The following IGF2BP1 variants were observed in gnomAD, a reference collection of about 807,000 sequenced individuals.
The protein encoded by IGF2BP1 is insulin-like growth factor 2 mRNA-binding protein 1.
Under a neutral mutation model 74.9 loss-of-function variants are expected in IGF2BP1, and 11 were observed. That is an observed-to-expected ratio of 0.15 (90% CI 0.09 to 0.24). The LOEUF (loss-of-function observed/expected upper bound fraction) is 0.24, where lower values mean the gene tolerates loss of function less well. Ranked by LOEUF, IGF2BP1 falls within the 10% of genes least tolerant of loss-of-function variation. The probability of loss-of-function intolerance (pLI) is 1.00; values close to 1 mark genes in which losing one functional copy is unlikely to be tolerated. For synonymous variants in IGF2BP1, 287 were observed against 281.8 expected (o/e 1.02, Z -0.18); for missense variants, 440 against 757.4 (o/e 0.58, Z 4.92).
At chr17:49,012,453 C>G (rs1183770942) in intron 2 of IGF2BP1, 1 of 152,176 alleles carries the variant, frequency 6.6e-6, no homozygotes, top group Non-Finnish European at 1.5e-5. Flanking sequence ...CTGAATCCTC[C>G]CCATCTCCAG....
chr17:49,047,537 AAAG>A (rs2042119345), intron 14 of IGF2BP1, among the ~76,000 whole-genome samples: 1 of 152,014 alleles, frequency 6.6e-6, no homozygotes, highest in Non-Finnish European at 1.5e-5. Context: ...TAAAGAGAGT[AAAG>A]GATACCTCCA....
At chr17:49,024,914 G>A (rs2041833197) in intron 2 of IGF2BP1, among the ~76,000 whole-genome samples, 1 of 152,184 alleles carries the variant, frequency 6.6e-6, no homozygotes, top group South Asian at 2.1e-4. Context: ...GTCTTGGGCC[G>A]GGTGTTGTGG....
At chr17:48,998,003 C>T (rs1289212255) in intron 1 of IGF2BP1, 83 bp downstream of exon 1, 2 of 1,478,646 alleles carry the variant, frequency 1.4e-6, no homozygotes, top group Non-Finnish European at 1.8e-6. Context: ...CCTCTCCCGC[C>T]AACTCCTCTC....
At chr17:49,033,007 A>C (rs1302746303) in intron 5 of IGF2BP1, among the ~76,000 whole-genome samples, 1 of 152,138 alleles carries the variant, frequency 6.6e-6, no homozygotes. Flanking sequence ...TGTAGAGACG[A>C]GGTTTCACCA....
intron 2 of IGF2BP1, among the ~76,000 whole-genome samples, chr17:49,008,912 A>ATCTAG (rs1206814880): frequency 6.6e-6 from 1 of 152,080 alleles, no homozygotes; most frequent in Admixed American, 6.6e-5. Flanking sequence ...AGTTATTTTT[A>ATCTAG]TCTAGTAAGA....
At chr17:49,008,166 C>T (rs1192526337) in intron 2 of IGF2BP1, among the ~76,000 whole-genome samples, 11 of 146,320 alleles carry the variant, frequency 7.5e-5, no homozygotes, top group Admixed American at 6.7e-5. Context: ...GAGTGAAATT[C>T]CATCTCAAAA....
intron 5 of IGF2BP1, among the ~76,000 whole-genome samples, chr17:49,035,178 AAGAC>A (rs1356345073): frequency 2.0e-5 from 3 of 152,222 alleles, no homozygotes; most frequent in Admixed American, 6.5e-5. Context: ...AAGTGCTAAA[AAGAC>A]AGTTTATTAG....
intron 2 of IGF2BP1, among the ~76,000 whole-genome samples, chr17:49,000,096 G>C (rs2041469249): frequency 6.6e-6 from 1 of 151,994 alleles, no homozygotes. Context: ...CTCTGGCTGG[G>C]AAGTATAAGG....
chr17:49,015,310 G>A (rs1300747389), intron 2 of IGF2BP1, among the ~76,000 whole-genome samples: 1 of 152,150 alleles, frequency 6.6e-6, no homozygotes, highest in Non-Finnish European at 1.5e-5. Flanking sequence ...GAGAGAGGCT[G>A]GCATCTCCAC....
chr17:49,041,258 A>G, intron 7 of IGF2BP1, 120 bp from the exon 8 acceptor site: 1 of 1,022,936 alleles, frequency 9.8e-7, no homozygotes, highest in East Asian at 2.4e-5. Flanking sequence ...ATGCAGTTTG[A>G]TAAGTTTTGA....
intron 2 of IGF2BP1, among the ~76,000 whole-genome samples, chr17:48,999,966 G>A (rs537371903): frequency 6.9e-6 from 1 of 144,904 alleles, no homozygotes; most frequent in East Asian, 2.0e-4. Flanking sequence ...GTGTGTGTTC[G>A]TGTGTGTTCC....
chr17:48,996,905 TC>T (rs969361807), upstream of IGF2BP1, among the ~76,000 whole-genome samples: 1 of 151,980 alleles, frequency 6.6e-6, no homozygotes, highest in African/African-American at 2.4e-5. Context: ...AAGGTTCCTT[TC>T]TTTTTAAATC....
chr17:49,018,307 C>T (rs1424181954), intron 2 of IGF2BP1, among the ~76,000 whole-genome samples: 1 of 152,202 alleles, frequency 6.6e-6, no homozygotes, highest in Admixed American at 6.5e-5. Flanking sequence ...TGTTAGATGA[C>T]GTGAGCATGG....
intron 2 of IGF2BP1, among the ~76,000 whole-genome samples, chr17:49,004,158 TC>T (rs925314946): frequency 1.2e-4 from 19 of 152,032 alleles, no homozygotes; most frequent in African/African-American, 4.3e-4. Context: ...ACAGAGAACA[TC>T]CGCTGGCCTG....
In IGF2BP1 at chr17:49,055,431, C is replaced by T. The variant is rs2042216523; in HGVS notation, c.*5987C>T. On this transcript the variant is annotated 3_prime_UTR_variant, in exon 15 of 15. Transcript: ENST00000290341. ...CCCAGCCAGCTGACTTCAGTCACCC[C>T]TGTCCCCCCTCCCCTGCCAATAAGC... The T allele has an allele frequency of 1.3e-5, 5 of 378,076 alleles. No homozygotes were observed. The highest frequency in any genetic ancestry group is 7.4e-5 in the East Asian group (2 of 26,952). The allele number at this position is 378,076 out of a possible 1,614,324, so 23.4% of individuals were successfully genotyped here.
intron 2 of IGF2BP1, among the ~76,000 whole-genome samples, chr17:49,018,886 G>A (rs2041741109): frequency 6.6e-6 from 1 of 152,118 alleles, no homozygotes. Context: ...GAGGGGTGGA[G>A]GTGAAGGTTC....
intron 2 of IGF2BP1, among the ~76,000 whole-genome samples, chr17:49,020,953 G>T (rs1401366523): frequency 6.9e-6 from 1 of 144,462 alleles, no homozygotes; most frequent in Non-Finnish European, 1.5e-5. Flanking sequence ...ACATGGTGAG[G>T]CCCCGTCTCT....
At chr17:49,021,415 C>G (rs954679077) in intron 2 of IGF2BP1, among the ~76,000 whole-genome samples, 1 of 152,146 alleles carries the variant, frequency 6.6e-6, no homozygotes, top group Non-Finnish European at 1.5e-5. Context: ...AGGATGGTCA[C>G]TCAGTCTTTG....
chr17:49,010,172 T>C (rs959474854), intron 2 of IGF2BP1, among the ~76,000 whole-genome samples: 3 of 152,146 alleles, frequency 2.0e-5, no homozygotes, highest in Non-Finnish European at 2.9e-5. Context: ...TCTTGCAAAA[T>C]TGAAACTCTG....
Sources: gnomAD v4.1 joint callset for allele counts (sites outside exome capture counted in the v4.1 genomes callset) on GRCh38, gnomAD v4.1.1 for gene constraint, MANE v1.5 for transcripts, NCBI Gene and HGNC (gene_info 2026-07-23, HGNC 2026-07-21) for gene names.